Variants in AGAP1 observed in about 807,000 individuals in gnomAD.
The protein encoded by AGAP1 is arf-GAP with GTPase, ANK repeat and PH domain-containing protein 1.
Under a neutral mutation model 105.3 loss-of-function variants are expected in AGAP1, and 29 were observed. The ratio of observed to expected loss-of-function variants is 0.28; its 90% CI spans 0.21 to 0.38. The LOEUF is 0.38. Among genes scored for constraint, AGAP1 ranks in the 10% least tolerant of loss-of-function variants. AGAP1 has a pLI of 1.00. For missense variants in AGAP1, 998 were observed against 1,165.1 expected, an observed-to-expected ratio of 0.86 and a Z score of 2.09; for synonymous variants, 509 against 485.9, an observed-to-expected ratio of 1.05 and a Z score of -0.63.
intron 13 of AGAP1, among the ~76,000 whole-genome samples, chr2:235,995,384 C>G (rs531559801): frequency 6.6e-6 from 1 of 151,578 alleles, no homozygotes; most frequent in Non-Finnish European, 1.5e-5. Context: ...CTTGGTGGTG[C>G]GCACCTATAA....
chr2:235,928,227 A>G (rs1575803053), intron 11 of AGAP1, among the ~76,000 whole-genome samples: 1 of 152,174 alleles, frequency 6.6e-6, no homozygotes, highest in African/African-American at 2.4e-5. Context: ...AATTCACGTG[A>G]TGAAAGCGGA....
Position 235,769,789 on chromosome 2 carries a change from C to T in AGAP1, c.673+19301C>T, listed in dbSNP as rs1955271459. Among the ~76,000 whole-genome samples the T allele has an allele frequency of 6.6e-6, 1 of 152,160 alleles. No individual in the cohort carries two copies. Among genetic ancestry groups the T allele is most frequent in the African/African-American group, 2.4e-5 (1 of 41,436 alleles). On this transcript the variant is annotated intron_variant, in intron 6 of 17. Coordinates refer to ENST00000304032, the MANE Select transcript of AGAP1 (RefSeq NM_001037131.3). This position sits in a 1 kb window ranked among gnomAD's most constrained non-coding sequence, Gnocchi z 4.4. ...TCATGGGGGAGGCACAGGCGACGCT[C>T]CGAGGCAGCCTGGCTTGTGTTAGCT...
Position 235,782,149 on chromosome 2 carries a change from C to T in AGAP1, c.674-15610C>T, listed in dbSNP as rs1041828045. ...TCCTCACGAGAGGCTACAGGCCAGA[C>T]GCAGGGCACCAAGAGCATGGCATTT... On this transcript the variant is annotated intron_variant, in intron 6 of 17. Transcript: ENST00000304032. Among the ~76,000 whole-genome samples the T allele has an allele frequency of 2.6e-5, 4 of 152,278 alleles. No individual in the cohort carries two copies. In the East Asian group the frequency reaches 5.8e-4, roughly 22 times the overall value.
intron 1 of AGAP1, among the ~76,000 whole-genome samples, chr2:235,558,533 G>A (rs146087582): frequency 6.6e-6 from 1 of 152,102 alleles, no homozygotes; most frequent in African/African-American, 2.4e-5. Context: ...TTCCCTTTCT[G>A]CTTTAACCCC....
At chr2:235,969,934 G>T (rs1559709177) in intron 13 of AGAP1, among the ~76,000 whole-genome samples, 2 of 152,138 alleles carry the variant, frequency 1.3e-5, no homozygotes, top group African/African-American at 2.4e-5. Context: ...GGGCACGGTG[G>T]CTCACGCCTG....
rs371121984 is a variant in AGAP1, at chr2:235,991,735, G to A, written c.1645+23112G>A. Among the ~76,000 whole-genome samples the A allele has an allele frequency of 1.2e-4, 19 of 152,240 alleles. No individual in the cohort carries two copies. In the East Asian group the frequency reaches 3.3e-3, roughly 26 times the overall value. On this transcript the variant is annotated intron_variant, in intron 13 of 17. Transcript: ENST00000304032. ...CTATCTTGCTTCATGGGTAATTAAG[G>A]CATTTCCTTCTGCAGTTCCCAAATC... is the stretch of plus-strand genomic sequence containing the variant.
chr2:235,623,683 T>G lies in AGAP1; in HGVS notation c.164-85496T>G, dbSNP rs183591089. ...TGCCATATATTTTTTGACTTTTGGA[T>G]CTTCACTCCTCCCCTCATTTTGGAC... is the stretch of plus-strand genomic sequence containing the variant. On this transcript the variant is annotated intron_variant, in intron 1 of 17. Transcript: ENST00000304032. The surrounding 1 kb of genome is among the most constrained non-coding windows in gnomAD (Gnocchi z 4.5). 6.6e-6 allele frequency among the ~76,000 whole-genome samples: 1 copy of G among 152,198 alleles called. No individual in the cohort carries two copies.
chr2:236,066,394 T>A (rs2058346648), intron 16 of AGAP1, among the ~76,000 whole-genome samples: 1 of 151,996 alleles, frequency 6.6e-6, no homozygotes, highest in African/African-American at 2.4e-5. Context: ...CCCAGTTCAT[T>A]TTCGTATTTT....
chr2:236,075,448 G>A (rs1470001360), intron 16 of AGAP1, among the ~76,000 whole-genome samples: 4 of 152,142 alleles, frequency 2.6e-5, no homozygotes, highest in African/African-American at 9.7e-5. Flanking sequence ...GCCGCAAAGG[G>A]TCCCCGCTGC....
intron 1 of AGAP1, among the ~76,000 whole-genome samples, chr2:235,560,001 T>G (rs967946360): frequency 6.6e-5 from 10 of 152,154 alleles, no homozygotes; most frequent in African/African-American, 2.4e-4. Flanking sequence ...GAAATCTAAT[T>G]TACCTGTTTT....
intron 8 of AGAP1, among the ~76,000 whole-genome samples, chr2:235,805,920 C>T (rs1478559105): frequency 1.3e-5 from 2 of 152,208 alleles, no homozygotes; most frequent in East Asian, 1.9e-4. Flanking sequence ...GCTCTTATCA[C>T]CATCTGAGAA....
rs966951324 is a variant in AGAP1, at chr2:235,623,430, G to T, written c.164-85749G>T. Among the ~76,000 whole-genome samples, 1 of 152,206 alleles carries T rather than the reference G, an allele frequency of 6.6e-6. No homozygotes were observed. The highest frequency in any genetic ancestry group is 2.1e-4 in the South Asian group (1 of 4,832). The stretch of plus-strand genomic sequence containing the variant: ...TTATTAGACTTCACTTGGTCTGCAC[G>T]TGGTGGCTTTGGGATTTGCTGCTTC... On this transcript the variant is annotated intron_variant, in intron 1 of 17. Coordinates refer to ENST00000304032, the MANE Select transcript of AGAP1 (RefSeq NM_001037131.3). This position sits in a 1 kb window ranked among gnomAD's most constrained non-coding sequence, Gnocchi z 4.5.
At chr2:235,969,730 G>A (rs2054563566) in intron 13 of AGAP1, among the ~76,000 whole-genome samples, 1 of 152,192 alleles carries the variant, frequency 6.6e-6, no homozygotes, top group Non-Finnish European at 1.5e-5. Flanking sequence ...GGGGTGTGCT[G>A]TGTGTTTCCA....
intron 9 of AGAP1, among the ~76,000 whole-genome samples, chr2:235,841,852 C>T (rs1047696793): frequency 1.1e-4 from 16 of 152,250 alleles, no homozygotes; most frequent in Middle Eastern, 3.4e-3. Context: ...TCATCCAGGC[C>T]GCATTTCCTC....
rs765436402 is a variant in AGAP1 at position 236,058,936 on chromosome 2, A to G, written c.2114+9655A>G. ...TCCCAGCTACTCAAGAGGCTCAGGC[A>G]GGAGGATTGCTTGAGCCCAGGATTT... On this transcript the variant is annotated intron_variant, in intron 16 of 17. Transcript: ENST00000304032. The surrounding 1 kb of genome is among the most constrained non-coding windows in gnomAD (Gnocchi z 4.6). Among the ~76,000 whole-genome samples the G allele has an allele frequency of 4.6e-5, 7 of 152,180 alleles. No individual in the cohort carries two copies. The highest frequency in any genetic ancestry group is 7.3e-5 in the Non-Finnish European group (5 of 68,036).
chr2:235,682,268 C>T (rs192639608), intron 1 of AGAP1, among the ~76,000 whole-genome samples: 11 of 152,222 alleles, frequency 7.2e-5, no homozygotes, highest in Non-Finnish European at 7.4e-5. Flanking sequence ...GGGCATATTT[C>T]ATTTTCACTC....
intron 9 of AGAP1, among the ~76,000 whole-genome samples, chr2:235,873,917 CG>C (rs2049576089): frequency 1.3e-5 from 2 of 152,188 alleles, no homozygotes; most frequent in African/African-American, 2.4e-5. Context: ...TTTGTAGAGA[CG>C]GGGTTTCAAC....
In AGAP1 at chr2:235,769,860, C is replaced by T. The variant is rs1955279977; in HGVS notation, c.673+19372C>T. Among the ~76,000 whole-genome samples, 2 of 152,228 alleles carry T rather than the reference C, an allele frequency of 1.3e-5. No homozygotes were observed. Among genetic ancestry groups the T allele is most frequent in the South Asian group, 4.2e-4 (2 of 4,818 alleles). ...GGAGGGAGGACATGGCCCTCGGCTG[C>T]CAAGGAGCATCCAGTCCTTTCCAAG... On this transcript the variant is annotated intron_variant, in intron 6 of 17. Coordinates refer to ENST00000304032, the MANE Select transcript of AGAP1 (RefSeq NM_001037131.3). The surrounding 1 kb of genome is among the most constrained non-coding windows in gnomAD (Gnocchi z 4.4).
rs1441668611 is a variant in AGAP1 at position 235,494,514 on chromosome 2, G to A, written c.-173G>A. ...GTCCCGGCCATGAACTGAGCCCGCG[G>A]GCCAGCCCCGCGCCTGCTCCGCCCG... is the stretch of plus-strand genomic sequence containing the variant. On this transcript the variant is annotated 5_prime_UTR_variant, in exon 1 of 18. Coordinates refer to ENST00000304032, the MANE Select transcript of AGAP1 (RefSeq NM_001037131.3). 3 of 144,328 alleles carry A rather than the reference G, an allele frequency of 2.1e-5. No individual in the cohort carries two copies. The highest frequency in any genetic ancestry group is 4.5e-5 in the Non-Finnish European group (3 of 65,958). 8.9% of individuals were successfully genotyped at this position (144,328 alleles called of 1,614,324 possible). A position where few individuals can be genotyped will look rare whatever the true frequency, so the allele number is the denominator to read the frequency against.
Sources: gnomAD v4.1 joint callset for allele counts (sites outside exome capture counted in the v4.1 genomes callset) on GRCh38, gnomAD v4.1.1 for gene constraint, Gnocchi (gnomAD v3.1) non-coding constraint, MANE v1.5 for transcripts, NCBI Gene and HGNC (gene_info 2026-07-23, HGNC 2026-07-21) for gene names.